The following PRKAR1B variants were observed in gnomAD, a reference collection of about 807,000 sequenced individuals.
PRKAR1B encodes protein kinase cAMP-dependent type I regulatory subunit beta, also known as cAMP-dependent protein kinase type I-beta regulatory subunit.
A neutral mutation model predicts 46.5 loss-of-function variants in PRKAR1B; 22 were observed. That is an observed-to-expected ratio of 0.47 (90% CI 0.34 to 0.68). The LOEUF is 0.68. Ranked by LOEUF, PRKAR1B falls within the 30% of genes least tolerant of loss-of-function variation. The pLI is 0.01. For synonymous variants in PRKAR1B, 259 were observed against 217.7 expected, an observed-to-expected ratio of 1.19 and a Z score of -1.67; for missense variants, 445 against 535.6, an observed-to-expected ratio of 0.83 and a Z score of 1.67.
Position 680,704 on chromosome 7 carries a change from G to A in PRKAR1B, c.200C>T (p.Ala67Val), listed in dbSNP as rs183383238. ...CGACTGTGAGTTTGACTTTTGCCGC[G>A]CCAAAATCTGCCTGTTTTCTTCCTG... is the stretch of plus-strand genomic sequence containing the variant. ...LEKEENRQIL[A>V]RQKSNSQSDS... The change falls in exon 3 of 11, where the codon GCG (alanine) becomes GTG (valine). Residue 67 changes from alanine (A) to valine (V), a missense_variant. Physicochemically the swap from Ala to Val is moderately conservative, Grantham distance 64 (BLOSUM62 0). Coordinates refer to ENST00000537384, the MANE Select transcript of PRKAR1B (RefSeq NM_001164760.2). The A allele has an allele frequency of 1.9e-4, 302 of 1,613,858 alleles. No homozygotes were observed. The East Asian group carries it at 3.7e-3, about 20-fold the overall frequency.
rs1005965748 is a variant in PRKAR1B at position 550,203 on chromosome 7, C to A, written c.*227G>T. 1.4e-5 allele frequency: 8 copies of A among 553,320 alleles called. No individual in the cohort carries two copies. The highest frequency in any genetic ancestry group is 6.1e-5 in the South Asian group (3 of 49,282). 34.3% of individuals were successfully genotyped at this position (553,320 alleles called of 1,614,324 possible). On this transcript the variant is annotated 3_prime_UTR_variant, in exon 11 of 11. Transcript: ENST00000537384. ...GTGTGGGGAGGAAGCTGGCCTGTCC[C>A]TTCCTTGATCTTGGGATGCATTTTG...
chr7:707,386 C>A (rs994473651), intron 2 of PRKAR1B, among the ~76,000 whole-genome samples: 1 of 152,096 alleles, frequency 6.6e-6, no homozygotes, highest in Non-Finnish European at 1.5e-5. Context: ...GCAACCCTTT[C>A]GACAAAAATG....
At chr7:717,232 T>G (rs1214126318) in intron 1 of PRKAR1B, among the ~76,000 whole-genome samples, 2 of 150,762 alleles carry the variant, frequency 1.3e-5, no homozygotes, top group Admixed American at 6.6e-5. Context: ...GAGGTCATAG[T>G]GAGCTGAGAG....
At chr7:663,912 C>T (rs1266525689) in intron 4 of PRKAR1B, among the ~76,000 whole-genome samples, 3 of 152,188 alleles carry the variant, frequency 2.0e-5, no homozygotes, top group Non-Finnish European at 2.9e-5. Context: ...CGTGCAGGGC[C>T]TGGTCTCAGG....
chr7:705,306 T>TAAAAAAA (rs1166269903), intron 2 of PRKAR1B, among the ~76,000 whole-genome samples: 15 of 109,190 alleles, frequency 1.4e-4, no homozygotes, highest in African/African-American at 4.8e-4. Context: ...CTGTCTCAAT[T>TAAAAAAA]AAAAAAAAAA....
rs186025549 is a variant in PRKAR1B at position 592,571 on chromosome 7, C to T, written c.708+3575G>A. 7.0e-3 allele frequency among the ~76,000 whole-genome samples: 1,060 copies of T among 152,290 alleles called. 12 individuals carry two copies. Among genetic ancestry groups the T allele is most frequent in the African/African-American group, 0.024 (998 of 41,548 alleles). ...ATACTGGTCAGCGGGGGCTGAGGGGCGGGGAGGGTCCAACCTCCACCAAAG... is the reference window on the plus strand; with the variant it reads ...ATACTGGTCAGCGGGGGCTGAGGGGTGGGGAGGGTCCAACCTCCACCAAAG... On this transcript the variant is annotated intron_variant, in intron 7 of 10. Transcript: ENST00000537384.
chr7:554,642 C>T (rs962166832), intron 9 of PRKAR1B, among the ~76,000 whole-genome samples: 8 of 150,930 alleles, frequency 5.3e-5, no homozygotes, highest in Non-Finnish European at 7.4e-5. Flanking sequence ...GGGGAGGCCA[C>T]GGATCCCACA....
In PRKAR1B at chr7:550,647, A is replaced by AGGC. The variant is rs201668077; in HGVS notation, c.974-48_974-46dup. The AGGC allele has an allele frequency of 0.011, 16,091 of 1,460,904 alleles. 826 individuals carry two copies. The East Asian group carries it at 0.17, about 16-fold the overall frequency. The allele number at this position is 1,460,904 out of a possible 1,614,324, so 90.5% of individuals were successfully genotyped here. On this transcript the variant is annotated intron_variant, in intron 10 of 10. Coordinates refer to ENST00000537384, the MANE Select transcript of PRKAR1B (RefSeq NM_001164760.2). ...GTCAGGGCTGGGCCTGGGGGTCCTG[A>AGGC]GGCTGCAGCAGGGAAAGATTATGTC...
intron 7 of PRKAR1B, 30 bp from the exon 8 acceptor site, chr7:584,598 G>A: frequency 6.3e-7 from 1 of 1,581,434 alleles, no homozygotes; most frequent in Non-Finnish European, 8.6e-7. Flanking sequence ...AAACAGACAA[G>A]AAGGTGAATC....
chr7:726,743 A>C lies in PRKAR1B; in HGVS notation c.-23+467T>G, dbSNP rs1562368980. The C allele has an allele frequency of 4.8e-6, 6 of 1,244,648 alleles. No individual in the cohort carries two copies. The highest frequency in any genetic ancestry group is 6.0e-6 in the Non-Finnish European group (6 of 995,646). The allele number at this position is 1,244,648 out of a possible 1,614,324, so 77.1% of individuals were successfully genotyped here. A position where few individuals can be genotyped will look rare whatever the true frequency, so the allele number is the denominator to read the frequency against. ...AAGATGGCGGCGCTGGGGGTGGCGGAGGCCGTGGCGGCCCCACACCCGGCT... is the reference window on the plus strand; with the variant it reads ...AAGATGGCGGCGCTGGGGGTGGCGGCGGCCGTGGCGGCCCCACACCCGGCT... On this transcript the variant is annotated intron_variant, in intron 1 of 10. Coordinates refer to ENST00000537384, the MANE Select transcript of PRKAR1B (RefSeq NM_001164760.2).
At chr7:660,958 T>G (rs1216875856) in intron 4 of PRKAR1B, among the ~76,000 whole-genome samples, 7 of 85,564 alleles carry the variant, frequency 8.2e-5, no homozygotes, top group Admixed American at 2.6e-4. Context: ...TACTTACTCT[T>G]CCCCTCCATG....
chr7:615,825 C>CAAAAAAAAAAA (rs71016887), intron 4 of PRKAR1B, among the ~76,000 whole-genome samples: 1 of 94,448 alleles, frequency 1.1e-5, no homozygotes, highest in Admixed American at 1.2e-4. Context: ...AAGACTCCAT[C>CAAAAAAAAAAA]AAAAAAAAAA....
intron 4 of PRKAR1B, among the ~76,000 whole-genome samples, chr7:623,939 G>A (rs994443570): frequency 6.6e-6 from 1 of 152,292 alleles, no homozygotes; most frequent in South Asian, 2.1e-4. Context: ...AGGAGGTGGA[G>A]GATGGCAAAT....
At chr7:581,548 T>G (rs1411067673) in intron 8 of PRKAR1B, among the ~76,000 whole-genome samples, 3 of 152,200 alleles carry the variant, frequency 2.0e-5, no homozygotes, top group Non-Finnish European at 4.4e-5. Context: ...ATTTCAGAAG[T>G]CAGCTGCAGT....
At chr7:611,879 A>G (rs1782515931) in intron 4 of PRKAR1B, among the ~76,000 whole-genome samples, 1 of 150,778 alleles carries the variant, frequency 6.6e-6, no homozygotes, top group Non-Finnish European at 1.5e-5. Context: ...GGATGGATGG[A>G]CAGGTGGGTG....
chr7:553,946 G>A (rs1381466069), intron 9 of PRKAR1B, among the ~76,000 whole-genome samples: 3 of 152,256 alleles, frequency 2.0e-5, no homozygotes, highest in Admixed American at 6.5e-5. Context: ...GCTGAGTGCC[G>A]CCACTGTGGG....
intron 3 of PRKAR1B, among the ~76,000 whole-genome samples, chr7:678,205 G>T (rs1390018840): frequency 1.3e-5 from 2 of 152,188 alleles, no homozygotes; most frequent in East Asian, 1.9e-4. Flanking sequence ...GGAGGTGGAG[G>T]TTGCCATGAG....
At chr7:581,556 A>C (rs999997018) in intron 8 of PRKAR1B, among the ~76,000 whole-genome samples, 3 of 152,246 alleles carry the variant, frequency 2.0e-5, no homozygotes, top group Non-Finnish European at 4.4e-5. Flanking sequence ...AGTCAGCTGC[A>C]GTTAGGAAGT....
intron 4 of PRKAR1B, among the ~76,000 whole-genome samples, chr7:653,922 TCAC>T (rs554109899): frequency 6.4e-4 from 96 of 151,062 alleles, no homozygotes; most frequent in African/African-American, 2.1e-3. Flanking sequence ...ACCTTCACCA[TCAC>T]CACCACTATC....
Sources: gnomAD v4.1 joint callset for allele counts (sites outside exome capture counted in the v4.1 genomes callset) on GRCh38, gnomAD v4.1.1 for gene constraint, MANE v1.5 for transcripts, NCBI Gene and HGNC (gene_info 2026-07-23, HGNC 2026-07-21) for gene names.